The following CDC73 variants were observed in gnomAD, a reference collection of about 807,000 sequenced individuals.
CDC73 encodes the protein parafibromin.
In CDC73, 21 loss-of-function variants were observed where a neutral mutation model predicts 83.7. That is an observed-to-expected ratio of 0.25 (90% confidence interval 0.18 to 0.36). The LOEUF (loss-of-function observed/expected upper bound fraction) is 0.36, where lower values mean the gene tolerates loss of function less well. CDC73 is among the 10% of genes least tolerant of loss of function. The pLI is 1.00. For synonymous variants in CDC73, 224 were observed against 212.9 expected, an observed-to-expected ratio of 1.05 and a Z score of -0.45; for missense variants, 342 against 653.3, an observed-to-expected ratio of 0.52 and a Z score of 5.19.
At chr1:193,232,602 A>G (rs1322251088) in intron 13 of CDC73, among the ~76,000 whole-genome samples, 1 of 152,288 alleles carries the variant, frequency 6.6e-6, no homozygotes, top group African/African-American at 2.4e-5. Context: ...AAACTAATTA[A>G]TGTTTAAAAA....
At chr1:193,240,902 C>T (rs763717065) in intron 15 of CDC73, among the ~76,000 whole-genome samples, 1 of 152,144 alleles carries the variant, frequency 6.6e-6, no homozygotes, top group African/African-American at 2.4e-5. Flanking sequence ...GTCCTTGCCT[C>T]GACCAGTGTC....
chr1:193,246,008 C>G (rs920184526), intron 15 of CDC73, among the ~76,000 whole-genome samples: 1 of 151,980 alleles, frequency 6.6e-6, no homozygotes, highest in African/African-American at 2.4e-5. Flanking sequence ...TTTTAAGTTT[C>G]TAGTATATTC....
intron 11 of CDC73, among the ~76,000 whole-genome samples, chr1:193,205,278 C>T (rs1677170096): frequency 7.5e-6 from 1 of 134,052 alleles, no homozygotes; most frequent in African/African-American, 2.9e-5. Context: ...TGGAAAGGCA[C>T]AGGCAAGAAC....
intron 10 of CDC73, among the ~76,000 whole-genome samples, chr1:193,168,417 G>A (rs1251828879): frequency 6.6e-5 from 10 of 152,144 alleles, no homozygotes; most frequent in Admixed American, 1.3e-4. Context: ...GAGGATTAAA[G>A]TAAGGTAAAG....
At chr1:193,204,536 G>A (rs1342785681) in intron 11 of CDC73, among the ~76,000 whole-genome samples, 3 of 151,086 alleles carry the variant, frequency 2.0e-5, no homozygotes, top group Admixed American at 6.6e-5. Context: ...TGATCCGCCC[G>A]CCTCGGCCTC....
intron 12 of CDC73, 78 bp downstream of exon 12, chr1:193,212,178 G>A (rs554655601): frequency 8.4e-6 from 10 of 1,192,566 alleles, no homozygotes; most frequent in South Asian, 3.9e-5. Context: ...ATTTTCTTGT[G>A]CAGCTGTATC....
At chr1:193,140,696 G>A (rs1448950827) in intron 6 of CDC73, among the ~76,000 whole-genome samples, 3 of 152,166 alleles carry the variant, frequency 2.0e-5, no homozygotes, top group African/African-American at 4.8e-5. Flanking sequence ...GGGATCATTC[G>A]TGTCCGGATA....
Position 193,162,339 on chromosome 1 carries a change from A to G in CDC73, c.972+9895A>G, listed in dbSNP as rs1333086929. Among the ~76,000 whole-genome samples, 2 of 138,470 alleles carry G rather than the reference A, an allele frequency of 1.4e-5. 1 individual carries two copies. The highest frequency in any genetic ancestry group is 4.3e-4 in the South Asian group (2 of 4,682). The allele number at this position is 138,470 out of a possible 152,430, so 90.8% of individuals were successfully genotyped here. ...ATATCATATATACTATATACTATAT[A>G]TTATATATACATATATATTATATAT... On this transcript the variant is annotated intron_variant, in intron 10 of 16. Transcript: ENST00000367435.
chr1:193,213,953 A>G (rs1046344808), intron 13 of CDC73, among the ~76,000 whole-genome samples: 1 of 152,226 alleles, frequency 6.6e-6, no homozygotes, highest in Non-Finnish European at 1.5e-5. Flanking sequence ...CTGACAAATT[A>G]TCCAGGAGCC....
chr1:193,228,030 A>G (rs905008721), intron 13 of CDC73, among the ~76,000 whole-genome samples: 7 of 152,192 alleles, frequency 4.6e-5, no homozygotes, highest in Non-Finnish European at 1.0e-4. Flanking sequence ...CAGTTGACCT[A>G]GGGTAGCTGA....
chr1:193,214,816 T>C (rs1339028699), intron 13 of CDC73, among the ~76,000 whole-genome samples: 1 of 152,246 alleles, frequency 6.6e-6, no homozygotes, highest in Non-Finnish European at 1.5e-5. Context: ...TTAATGTTTT[T>C]CTAATCAGTG....
At chr1:193,166,078 T>C (rs908477098) in intron 10 of CDC73, among the ~76,000 whole-genome samples, 6 of 152,218 alleles carry the variant, frequency 3.9e-5, no homozygotes, top group African/African-American at 1.4e-4. Context: ...AATGTGAAAT[T>C]ATTTTTAATG....
intron 10 of CDC73, among the ~76,000 whole-genome samples, chr1:193,177,689 T>G (rs920240109): frequency 6.6e-6 from 1 of 152,186 alleles, no homozygotes. Context: ...TTTAACACAG[T>G]ACCAAGCATA....
chr1:193,240,657 CT>C (rs773540569), intron 15 of CDC73, among the ~76,000 whole-genome samples: 27 of 152,012 alleles, frequency 1.8e-4, no homozygotes, highest in Non-Finnish European at 2.6e-4. Flanking sequence ...TGTATGTTAC[CT>C]TTTGAGAAAT....
intron 10 of CDC73, among the ~76,000 whole-genome samples, chr1:193,192,027 T>C (rs1485339522): frequency 6.6e-6 from 1 of 152,214 alleles, no homozygotes; most frequent in Non-Finnish European, 1.5e-5. Context: ...AATTCAAGTA[T>C]ATGTAAAATA....
intron 15 of CDC73, among the ~76,000 whole-genome samples, chr1:193,245,264 G>A (rs1279753965): frequency 6.6e-6 from 1 of 152,080 alleles, no homozygotes; most frequent in African/African-American, 2.4e-5. Context: ...AAATCTCTCT[G>A]TATTCCCCCT....
chr1:193,217,353 CAG>C (rs1677386289), intron 13 of CDC73, among the ~76,000 whole-genome samples: 1 of 152,168 alleles, frequency 6.6e-6, no homozygotes, highest in African/African-American at 2.4e-5. Flanking sequence ...TGCTCTATCG[CAG>C]AGTTTCTTGT....
At chr1:193,166,148 A>G (rs1460777479) in intron 10 of CDC73, among the ~76,000 whole-genome samples, 1 of 152,164 alleles carries the variant, frequency 6.6e-6, no homozygotes, top group African/African-American at 2.4e-5. Context: ...AGGAGTTTGT[A>G]TAGTTTAAGT....
intron 10 of CDC73, chr1:193,180,619 G>C: frequency 6.2e-7 from 1 of 1,614,104 alleles, no homozygotes; most frequent in Non-Finnish European, 8.5e-7. Context: ...AACATAACCA[G>C]TTCCAGAACA....
Sources: gnomAD v4.1 joint callset for allele counts (sites outside exome capture counted in the v4.1 genomes callset) on GRCh38, gnomAD v4.1.1 for gene constraint, MANE v1.5 for transcripts, NCBI Gene and HGNC (gene_info 2026-07-23, HGNC 2026-07-21) for gene names.